The following ACTR3C variants were observed in gnomAD, a reference collection of about 807,000 sequenced individuals.
ACTR3C encodes actin related protein 3C.
ACTR3C carries 18 observed loss-of-function variants against 26.3 expected under a neutral mutation model. The ratio of observed to expected loss-of-function variants is 0.68; its 90% CI spans 0.47 to 1.01. The LOEUF is 1.01. Ranked by LOEUF, ACTR3C falls within the 50% of genes least tolerant of loss-of-function variation. The pLI, the probability that ACTR3C is intolerant of heterozygous loss-of-function variation, is 0.00. For missense variants in ACTR3C, 184 were observed against 250.7 expected (o/e 0.73, Z 1.80); for synonymous variants, 55 against 94.5 (o/e 0.58, Z 2.42).
the ACTR3C span, among the ~76,000 whole-genome samples, chr7:150,164,486 C>G: frequency 6.8e-6 from 1 of 147,542 alleles, no homozygotes; most frequent in Non-Finnish European, 1.5e-5. Flanking sequence ...CAATGAGTGA[C>G]ACAAGTTTCA....
At chr7:150,180,087 C>T in the ACTR3C span, among the ~76,000 whole-genome samples, 2 of 151,058 alleles carry the variant, frequency 1.3e-5, no homozygotes. Context: ...GGGTGGATCA[C>T]GAGGTTAGGA....
At chr7:150,157,456 A>G in the ACTR3C span, among the ~76,000 whole-genome samples, 1 of 151,228 alleles carries the variant, frequency 6.6e-6, no homozygotes, top group Non-Finnish European at 1.5e-5. Flanking sequence ...CAACTGGGAG[A>G]TGTGAGAAAG....
chr7:150,259,291 A>AAGAAAGAAAGAAAG (rs879890269), intron 6 of ACTR3C, among the ~76,000 whole-genome samples: 4 of 149,502 alleles, frequency 2.7e-5, no homozygotes, highest in African/African-American at 1.0e-4. Flanking sequence ...GAAAGAAAGA[A>AAGAAAGAAAGAAAG]AAAGAAAGAA....
chr7:149,938,881 G>A, the ACTR3C span, among the ~76,000 whole-genome samples: 4 of 149,384 alleles, frequency 2.7e-5, no homozygotes, highest in Non-Finnish European at 3.0e-5. Context: ...ATCTATTACA[G>A]TAGGAAAGCA....
the ACTR3C span, among the ~76,000 whole-genome samples, chr7:150,035,555 TCC>T: frequency 8.9e-6 from 1 of 111,906 alleles, no homozygotes; most frequent in South Asian, 2.9e-4. Flanking sequence ...GCGATGGGGG[TCC>T]GCAGAGCCGG....
the ACTR3C span, among the ~76,000 whole-genome samples, chr7:150,063,404 A>G: frequency 6.6e-6 from 1 of 151,384 alleles, no homozygotes; most frequent in Non-Finnish European, 1.5e-5. Context: ...CAGAATACCA[A>G]TGGGGAAAGT....
the ACTR3C span, among the ~76,000 whole-genome samples, chr7:150,161,480 T>C: frequency 6.6e-6 from 1 of 151,930 alleles, no homozygotes; most frequent in Admixed American, 6.6e-5. Context: ...TTTTTTGTCC[T>C]TGCGGTAGTT....
chr7:149,996,196 C>T, the ACTR3C span, among the ~76,000 whole-genome samples: 2 of 152,196 alleles, frequency 1.3e-5, no homozygotes, highest in African/African-American at 4.8e-5. Flanking sequence ...GATGGTCTTG[C>T]CCCGAGTGTG....
intron 6 of ACTR3C, among the ~76,000 whole-genome samples, chr7:150,262,424 C>A (rs1376219719): frequency 6.6e-6 from 1 of 152,222 alleles, no homozygotes; most frequent in Non-Finnish European, 1.5e-5. Flanking sequence ...TTTTTTTTCT[C>A]TAAACCGAGC....
chr7:150,098,656 A>C, the ACTR3C span, among the ~76,000 whole-genome samples: 1 of 151,812 alleles, frequency 6.6e-6, no homozygotes, highest in Non-Finnish European at 1.5e-5. Flanking sequence ...CCTGTGAAAC[A>C]ATACACAGTT....
the ACTR3C span, among the ~76,000 whole-genome samples, chr7:150,035,254 C>A: frequency 1.2e-3 from 90 of 73,836 alleles, 1 homozygote; most frequent in East Asian, 5.0e-3. Context: ...GTGGGGGAAC[C>A]AGGGGCTGGC....
At chr7:150,167,744 C>T in the ACTR3C span, among the ~76,000 whole-genome samples, 20 of 150,478 alleles carry the variant, frequency 1.3e-4, no homozygotes, top group South Asian at 1.0e-3. Context: ...GCAAGCTCTC[C>T]GGGAGCAGGG....
At chr7:150,235,561 T>C in the ACTR3C span, among the ~76,000 whole-genome samples, 1 of 152,226 alleles carries the variant, frequency 6.6e-6, no homozygotes, top group Non-Finnish European at 1.5e-5. Flanking sequence ...GTCTAAACTT[T>C]CAACTTCCTT....
chr7:150,026,334 C>G, the ACTR3C span, among the ~76,000 whole-genome samples: 1 of 152,132 alleles, frequency 6.6e-6, no homozygotes, highest in Admixed American at 6.5e-5. Context: ...CATGATAAGC[C>G]ACTATTTTAT....
chr7:150,109,270 C>G, the ACTR3C span, among the ~76,000 whole-genome samples: 1 of 151,928 alleles, frequency 6.6e-6, no homozygotes, highest in Admixed American at 6.6e-5. Context: ...ATTTGTATAG[C>G]TTTGCATGAA....
At chr7:149,963,162 C>T in the ACTR3C span, among the ~76,000 whole-genome samples, 1 of 152,068 alleles carries the variant, frequency 6.6e-6, no homozygotes, top group East Asian at 1.9e-4. Flanking sequence ...CAAGTCTTTG[C>T]CGGGAGAATG....
chr7:150,148,149 A>G, the ACTR3C span, among the ~76,000 whole-genome samples: 1 of 138,120 alleles, frequency 7.2e-6, no homozygotes, highest in African/African-American at 2.6e-5. Context: ...CTGAGCTTAA[A>G]AGTTAAAAAA....
chr7:150,142,373 C>T, the ACTR3C span, among the ~76,000 whole-genome samples: 6 of 152,300 alleles, frequency 3.9e-5, no homozygotes, highest in Admixed American at 2.6e-4. Context: ...GGCAACGCTT[C>T]AGGACAACAT....
chr7:150,152,171 G>A, the ACTR3C span, among the ~76,000 whole-genome samples: 225 of 152,216 alleles, frequency 1.5e-3, no homozygotes, highest in Non-Finnish European at 1.9e-3. Flanking sequence ...AACTTCCAAC[G>A]CTATGTTGAA....
Sources: allele counts gnomAD v4.1 joint callset (sites outside exome capture counted in the v4.1 genomes callset), GRCh38; gene constraint gnomAD v4.1.1; transcripts MANE v1.5; gene names NCBI Gene and HGNC (gene_info 2026-07-23, HGNC 2026-07-21).